The following LMO7 variants were observed in gnomAD, a reference collection of about 807,000 sequenced individuals.
LMO7 encodes the protein LIM domain only protein 7.
A neutral mutation model predicts 206.5 loss-of-function variants in LMO7; 120 were observed. The observed-to-expected ratio is 0.58, with a 90% CI of 0.50 to 0.68. The LOEUF (loss-of-function observed/expected upper bound fraction) is 0.68, where lower values mean the gene tolerates loss of function less well. Ranked by LOEUF, LMO7 falls within the 30% of genes least tolerant of loss-of-function variation. The pLI is 0.00. For missense variants in LMO7, 1,959 were observed against 1,957.9 expected (o/e 1.00, Z -0.01); for synonymous variants, 706 against 681.5 (o/e 1.04, Z -0.56).
intron 14 of LMO7, among the ~76,000 whole-genome samples, chr13:75,822,693 A>G (rs1277040732): frequency 1.3e-5 from 2 of 148,904 alleles, no homozygotes; most frequent in African/African-American, 4.9e-5. Flanking sequence ...AGTGTTGGCA[A>G]GGATGCTGAG....
intron 1 of LMO7, among the ~76,000 whole-genome samples, chr13:75,643,558 A>T (rs148104337): frequency 6.6e-6 from 1 of 152,240 alleles, no homozygotes. Context: ...GTTAACTATC[A>T]AAAATGTGTT....
intron 8 of LMO7, 130 bp downstream of exon 8, chr13:75,804,671 T>A (rs1197513609): frequency 8.4e-7 from 1 of 1,190,644 alleles, no homozygotes; most frequent in East Asian, 2.4e-5. Context: ...GTGAGAATAT[T>A]TTTCATCCCT....
chr13:75,682,688 T>TA (rs1491255120), intron 1 of LMO7, among the ~76,000 whole-genome samples: 1 of 152,310 alleles, frequency 6.6e-6, no homozygotes, highest in African/African-American at 2.4e-5. Flanking sequence ...ATCCAGTCAT[T>TA]ATGGGATGTA....
intron 2 of LMO7, among the ~76,000 whole-genome samples, chr13:75,723,904 A>C (rs1404092625): frequency 6.6e-5 from 10 of 152,196 alleles, no homozygotes; most frequent in Admixed American, 6.5e-4. Context: ...GTTCAAGATC[A>C]TGGCACTGGC....
rs376072820 is a variant in LMO7 at position 75,735,205 on chromosome 13, C to G, written c.210+8107C>G. On this transcript the variant is annotated intron_variant, in intron 3 of 30. Transcript: ENST00000377534. Reference sequence around the variant, plus strand: ...ATTTCTACCCAAGTTTTATCCTGTACTTCTCTAAAAATCATTCTCATGCTG... The same window carrying G: ...ATTTCTACCCAAGTTTTATCCTGTAGTTCTCTAAAAATCATTCTCATGCTG... Among the ~76,000 whole-genome samples the G allele has an allele frequency of 2.4e-4, 37 of 151,254 alleles. No individual in the cohort carries two copies. In the East Asian group the frequency reaches 3.5e-3, roughly 14 times the overall value.
intron 1 of LMO7, among the ~76,000 whole-genome samples, chr13:75,688,331 T>C (rs960058635): frequency 1.3e-5 from 2 of 152,234 alleles, no homozygotes; most frequent in Admixed American, 6.5e-5. Context: ...TTCCCCCATA[T>C]GTATGCTTAG....
At chr13:75,785,942 A>G (rs561446692) in intron 4 of LMO7, among the ~76,000 whole-genome samples, 1 of 152,290 alleles carries the variant, frequency 6.6e-6, no homozygotes, top group South Asian at 2.1e-4. Context: ...CAGGAATATC[A>G]GTGGTTTGGA....
At chr13:75,845,500 T>C in intron 26 of LMO7, 121 bp downstream of exon 26, 2 of 587,544 alleles carry the variant, frequency 3.4e-6, no homozygotes, top group Non-Finnish European at 6.0e-6. Flanking sequence ...TTAAAATACT[T>C]AGTATTTTAA....
intron 25 of LMO7, among the ~76,000 whole-genome samples, 174 bp downstream of exon 25, chr13:75,843,090 G>A (rs528090977): frequency 4.6e-5 from 7 of 152,312 alleles, no homozygotes; most frequent in South Asian, 4.1e-4. Context: ...ACAACTATTC[G>A]TGAACTTAAT....
intron 4 of LMO7, among the ~76,000 whole-genome samples, chr13:75,785,465 G>A (rs1265466299): frequency 1.3e-5 from 2 of 151,946 alleles, no homozygotes; most frequent in Admixed American, 1.3e-4. Context: ...ATTAATAAAG[G>A]CAATTATTAC....
At chr13:75,761,553 A>G (rs2048226285) in intron 4 of LMO7, among the ~76,000 whole-genome samples, 1 of 152,156 alleles carries the variant, frequency 6.6e-6, no homozygotes, top group South Asian at 2.1e-4. Context: ...ACTTTTAAAA[A>G]TGAGCTGTTT....
chr13:75,625,098 G>T (rs2033852896), intron 2 of LMO7, among the ~76,000 whole-genome samples: 1 of 152,030 alleles, frequency 6.6e-6, no homozygotes, highest in Admixed American at 6.6e-5. Context: ...AGTACCTTTT[G>T]AATAAAACAC....
chr13:75,743,285 G>T (rs549931700), intron 3 of LMO7, among the ~76,000 whole-genome samples: 1 of 152,276 alleles, frequency 6.6e-6, no homozygotes, highest in African/African-American at 2.4e-5. Context: ...TTCAACCAGT[G>T]TGGGAAGCTG....
intron 7 of LMO7, among the ~76,000 whole-genome samples, chr13:75,802,698 G>A (rs1354654803): frequency 1.3e-5 from 2 of 152,132 alleles, no homozygotes; most frequent in East Asian, 1.9e-4. Context: ...TTTAAAGAGT[G>A]CGTAAGTGAA....
At position 75,636,723 on chromosome 13, in the gene LMO7, G is replaced by A. The variant is rs765203263; in HGVS notation, c.66G>A (p.Val22=). 47 of 1,606,340 alleles carry A rather than the reference G, an allele frequency of 2.9e-5. No homozygotes were observed. Among genetic ancestry groups the A allele is most frequent in the Non-Finnish European group, 3.9e-5 (46 of 1,177,108 alleles). Residue 22 remains valine, a synonymous_variant, in exon 1 of 31, where the codon GTG becomes GTA. Transcript: ENST00000377534. ...SVAFAEAQRW[V]EAVTEKNFET... is the part of the protein sequence containing the mutation. ...CGTTCGCTGAGGCTCAGAGATGGGT[G>A]GAGGTGAGTGCCTTTCACTGCTTTC...
chr13:75,790,547 T>G (rs2053127780), intron 4 of LMO7, among the ~76,000 whole-genome samples: 1 of 152,182 alleles, frequency 6.6e-6, no homozygotes, highest in South Asian at 2.1e-4. Flanking sequence ...TATGTAGACT[T>G]TTTTACCCAC....
intron 4 of LMO7, among the ~76,000 whole-genome samples, chr13:75,764,083 G>C (rs1030298048): frequency 6.6e-6 from 1 of 152,020 alleles, no homozygotes; most frequent in Non-Finnish European, 1.5e-5. Flanking sequence ...AAGTGTGTTT[G>C]AATTATTCTA....
chr13:75,790,069 A>G (rs1452079663), intron 4 of LMO7, among the ~76,000 whole-genome samples: 1 of 152,108 alleles, frequency 6.6e-6, no homozygotes, highest in Non-Finnish European at 1.5e-5. Flanking sequence ...ACCTTCTAGA[A>G]ATTATTTCTT....
chr13:75,626,408 G>A (rs2034091470), intron 2 of LMO7, among the ~76,000 whole-genome samples: 1 of 150,146 alleles, frequency 6.7e-6, no homozygotes, highest in African/African-American at 2.4e-5. Flanking sequence ...GATCTCGTGA[G>A]ACTTATTCAC....
Sources: gnomAD v4.1 joint callset for allele counts (sites outside exome capture counted in the v4.1 genomes callset) on GRCh38, gnomAD v4.1.1 for gene constraint, MANE v1.5 for transcripts, NCBI Gene and HGNC (gene_info 2026-07-23, HGNC 2026-07-21) for gene names.